The following DRC11 variants were observed in gnomAD, a reference collection of about 807,000 sequenced individuals.
DRC11 encodes the protein IQ and AAA domain-containing protein 1.
chr2:236,386,384 G>C, the DRC11 span, among the ~76,000 whole-genome samples: 2 of 152,096 alleles, frequency 1.3e-5, no homozygotes, highest in African/African-American at 4.8e-5. Context: ...TCCTGGTTTA[G>C]TCTTGGGAGA....
chr2:236,314,859 A>G, the DRC11 span, among the ~76,000 whole-genome samples: 1 of 152,224 alleles, frequency 6.6e-6, no homozygotes, highest in East Asian at 1.9e-4. This position sits in a 1 kb window ranked among gnomAD's most constrained non-coding sequence, Gnocchi z 4.5. Flanking sequence ...AATAATGTAA[A>G]GATGTCTGTT....
At chr2:236,491,863 C>T in the DRC11 span, among the ~76,000 whole-genome samples, 2 of 152,150 alleles carry the variant, frequency 1.3e-5, no homozygotes, top group African/African-American at 2.4e-5. Context: ...ATGGTTTAAA[C>T]GTGTCCCACA....
the DRC11 span, among the ~76,000 whole-genome samples, chr2:236,357,037 A>G: frequency 9.7e-6 from 1 of 103,408 alleles, no homozygotes; most frequent in Non-Finnish European, 2.1e-5. Context: ...ATATTTATAT[A>G]TTCATATATT....
At chr2:236,369,519 G>A in the DRC11 span, among the ~76,000 whole-genome samples, 3 of 152,156 alleles carry the variant, frequency 2.0e-5, no homozygotes, top group Admixed American at 6.5e-5. The surrounding 1 kb of genome is among the most constrained non-coding windows in gnomAD (Gnocchi z 4.5). Context: ...TAAATCCAGC[G>A]CTCATTGCCA....
At chr2:236,368,434 G>A in the DRC11 span, 1 of 603,762 alleles carries the variant, frequency 1.7e-6, no homozygotes, top group Admixed American at 3.0e-5. Flanking sequence ...TATTAGGAGA[G>A]TCATTATGAA....
At chr2:236,398,264 G>T in the DRC11 span, among the ~76,000 whole-genome samples, 1 of 152,162 alleles carries the variant, frequency 6.6e-6, no homozygotes, top group African/African-American at 2.4e-5. This position sits in a 1 kb window ranked among gnomAD's most constrained non-coding sequence, Gnocchi z 6.2. Flanking sequence ...TTCCCCTTTA[G>T]TTCAGCATCT....
the DRC11 span, among the ~76,000 whole-genome samples, chr2:236,407,598 G>C: frequency 1.3e-5 from 2 of 152,098 alleles, no homozygotes; most frequent in Non-Finnish European, 2.9e-5. Flanking sequence ...ACACACACAC[G>C]GGCCACATGT....
the DRC11 span, among the ~76,000 whole-genome samples, chr2:236,501,156 G>A: frequency 6.6e-5 from 10 of 152,124 alleles, no homozygotes; most frequent in African/African-American, 2.2e-4. Context: ...GGGAGCAGGA[G>A]CAAGAGGAAG....
chr2:236,392,390 T>G, the DRC11 span: 7 of 1,173,890 alleles, frequency 6.0e-6, no homozygotes, highest in Non-Finnish European at 8.4e-6. This position sits in a 1 kb window ranked among gnomAD's most constrained non-coding sequence, Gnocchi z 5.1. Flanking sequence ...AAAGAAAAAA[T>G]TTTAAAAAGA....
At chr2:236,504,977 T>C in the DRC11 span, among the ~76,000 whole-genome samples, 2 of 152,248 alleles carry the variant, frequency 1.3e-5, no homozygotes, top group Admixed American at 1.3e-4. This position sits in a 1 kb window ranked among gnomAD's most constrained non-coding sequence, Gnocchi z 5.0. Context: ...ATGTCTTTAT[T>C]AGCAGTGTGA....
At chr2:236,416,749 A>T in the DRC11 span, among the ~76,000 whole-genome samples, 323 of 57,298 alleles carry the variant, frequency 5.6e-3, 1 homozygote, top group Middle Eastern at 0.021. Flanking sequence ...ATATATATAT[A>T]TATATATATA....
the DRC11 span, among the ~76,000 whole-genome samples, chr2:236,314,756 G>C: frequency 0.076 from 11,498 of 152,106 alleles, 998 homozygotes; most frequent in East Asian, 0.24. This position sits in a 1 kb window ranked among gnomAD's most constrained non-coding sequence, Gnocchi z 4.5. Context: ...AGATGTGTAA[G>C]ATATCTACAC....
chr2:236,439,935 C>T, the DRC11 span, among the ~76,000 whole-genome samples: 2 of 152,272 alleles, frequency 1.3e-5, no homozygotes, highest in African/African-American at 4.8e-5. Flanking sequence ...ATATTGAGCA[C>T]TTACTATGCA....
chr2:236,449,178 A>T, the DRC11 span, among the ~76,000 whole-genome samples: 1 of 152,220 alleles, frequency 6.6e-6, no homozygotes, highest in African/African-American at 2.4e-5. This position sits in a 1 kb window ranked among gnomAD's most constrained non-coding sequence, Gnocchi z 5.1. Context: ...TATTAATCAA[A>T]CATAAACTGG....
At chr2:236,313,460 T>C in the DRC11 span, among the ~76,000 whole-genome samples, 8 of 152,240 alleles carry the variant, frequency 5.3e-5, no homozygotes, top group Admixed American at 4.6e-4. This position sits in a 1 kb window ranked among gnomAD's most constrained non-coding sequence, Gnocchi z 4.5. Flanking sequence ...CAGTTGGGAA[T>C]GTAAAATGGT....
the DRC11 span, chr2:236,367,603 A>T: frequency 2.0e-5 from 3 of 152,438 alleles, no homozygotes; most frequent in African/African-American, 4.8e-5. This position sits in a 1 kb window ranked among gnomAD's most constrained non-coding sequence, Gnocchi z 4.8. Flanking sequence ...AAGAAAAAAA[A>T]AAAGAAAAAA....
At chr2:236,383,506 A>G in the DRC11 span, among the ~76,000 whole-genome samples, 1 of 151,126 alleles carries the variant, frequency 6.6e-6, no homozygotes, top group Non-Finnish European at 1.5e-5. Context: ...TCTCCTCTTG[A>G]TCTAGTTCCT....
chr2:236,504,322 C>T, the DRC11 span, among the ~76,000 whole-genome samples: 1 of 152,174 alleles, frequency 6.6e-6, no homozygotes, highest in African/African-American at 2.4e-5. The surrounding 1 kb of genome is among the most constrained non-coding windows in gnomAD (Gnocchi z 5.0). Flanking sequence ...TACAGATACA[C>T]CACATTTTGT....
chr2:236,445,627 A>G, the DRC11 span, among the ~76,000 whole-genome samples: 2 of 151,486 alleles, frequency 1.3e-5, no homozygotes, highest in Non-Finnish European at 2.9e-5. This position sits in a 1 kb window ranked among gnomAD's most constrained non-coding sequence, Gnocchi z 4.8. Flanking sequence ...GGTGTGAGCC[A>G]CTCCGCCTGG....
Sources: allele counts gnomAD v4.1 joint callset (sites outside exome capture counted in the v4.1 genomes callset), GRCh38; gene constraint gnomAD v4.1.1; non-coding constraint Gnocchi (gnomAD v3.1); transcripts MANE v1.5; gene names NCBI Gene and HGNC (gene_info 2026-07-23, HGNC 2026-07-21).